The following DPP6 variants were observed in gnomAD, a reference collection of about 807,000 sequenced individuals.
DPP6 encodes dipeptidyl peptidase like 6.
A neutral mutation model predicts 122.6 loss-of-function variants in DPP6; 69 were observed. The observed-to-expected ratio is 0.56, with a 90% CI of 0.46 to 0.69. DPP6 has a LOEUF of 0.69. Ranked by LOEUF, DPP6 falls within the 30% of genes least tolerant of loss-of-function variation. The pLI, the probability that DPP6 is intolerant of heterozygous loss-of-function variation, is 0.00. For synonymous variants in DPP6, 418 were observed against 433.1 expected (o/e 0.97, Z 0.43); for missense variants, 928 against 1,116.9 (o/e 0.83, Z 2.41).
upstream of DPP6, among the ~76,000 whole-genome samples, chr7:154,050,793 A>ATTT (rs3980034): frequency 1.6e-5 from 2 of 124,142 alleles, no homozygotes; most frequent in African/African-American, 6.4e-5. Context: ...TGTATTTGCT[A>ATTT]TTTTTTAAAG....
chr7:154,155,789 G>C lies in DPP6; in HGVS notation c.243+102726G>C, dbSNP rs368602602. 3.9e-3 allele frequency among the ~76,000 whole-genome samples: 587 copies of C among 152,312 alleles called. 3 individuals are homozygous for C. The highest frequency in any genetic ancestry group is 0.013 in the South Asian group (65 of 4,828). On this transcript the variant is annotated intron_variant, in intron 1 of 25. Transcript: ENST00000377770. ...CTGGCCCTTGCCCCACTGTTGCTGG[G>C]TTGTGTATAATCTGTATGTCCAGTC... is the stretch of plus-strand genomic sequence containing the variant.
intron 17 of DPP6, among the ~76,000 whole-genome samples, chr7:154,866,481 G>A (rs1161504016): frequency 4.6e-5 from 7 of 152,288 alleles, no homozygotes; most frequent in African/African-American, 9.6e-5. Context: ...GGGAGAGTGC[G>A]CCACCTCTGC....
chr7:154,083,005 T>C (rs543130972), intron 1 of DPP6, among the ~76,000 whole-genome samples: 4 of 151,926 alleles, frequency 2.6e-5, no homozygotes, highest in Non-Finnish European at 4.4e-5. Flanking sequence ...CCCGCCACCA[T>C]GCCCGGCTAA....
At chr7:154,516,670 G>T (rs1826540058) in intron 3 of DPP6, among the ~76,000 whole-genome samples, 1 of 152,154 alleles carries the variant, frequency 6.6e-6, no homozygotes, top group Admixed American at 6.5e-5. Context: ...AGAAATGTAA[G>T]GTGCATGAAT....
chr7:154,219,361 C>T (rs1800175852), intron 1 of DPP6, among the ~76,000 whole-genome samples: 2 of 152,186 alleles, frequency 1.3e-5, no homozygotes, highest in Non-Finnish European at 2.9e-5. Context: ...GTCACTGTTT[C>T]TTTGCCCAAC....
intron 4 of DPP6, among the ~76,000 whole-genome samples, chr7:154,557,226 G>A (rs989977707): frequency 1.3e-5 from 2 of 152,176 alleles, no homozygotes; most frequent in Admixed American, 1.3e-4. Flanking sequence ...CCAAAATGGA[G>A]ACTGGGGTGG....
intron 10 of DPP6, among the ~76,000 whole-genome samples, chr7:154,773,156 G>A (rs1029215293): frequency 6.6e-6 from 1 of 152,166 alleles, no homozygotes; most frequent in African/African-American, 2.4e-5. Flanking sequence ...CCTTAGGTCA[G>A]ATGCAGGTTA....
In DPP6 at chr7:154,796,465, A is replaced by G. The variant is rs1489177518; in HGVS notation, c.1299+582A>G. On this transcript the variant is annotated intron_variant, in intron 12 of 25. Coordinates refer to ENST00000377770, the MANE Select transcript of DPP6 (RefSeq NM_130797.4). The stretch of plus-strand genomic sequence containing the variant: ...AAGCCCAGGTAAATCATTCTGAGAC[A>G]ATTTTTTCTAAATTAAACTTGCACA... Among the ~76,000 whole-genome samples the G allele has an allele frequency of 2.0e-5, 3 of 152,180 alleles. No individual in the cohort carries two copies. The East Asian group carries it at 5.8e-4, about 29-fold the overall frequency.
intron 1 of DPP6, among the ~76,000 whole-genome samples, chr7:153,954,296 T>C (rs1802355898): frequency 6.6e-6 from 1 of 152,260 alleles, no homozygotes; most frequent in African/African-American, 2.4e-5. Context: ...TGACCAAAGA[T>C]GTTTAGTATT....
chr7:153,999,768 G>A (rs569754975), intron 1 of DPP6, among the ~76,000 whole-genome samples: 85 of 152,280 alleles, frequency 5.6e-4, no homozygotes, highest in African/African-American at 2.0e-3. Context: ...AGACTAGCCT[G>A]GGCAACATGG....
In DPP6 at chr7:154,883,384, C is replaced by T. The variant is rs1805612240; in HGVS notation, c.2134-2249C>T. On this transcript the variant is annotated intron_variant, in intron 21 of 25. Coordinates refer to ENST00000377770, the MANE Select transcript of DPP6 (RefSeq NM_130797.4). ...TGCTCACACACACGATTACATACAC[C>T]TGCTCACACACACACACATGCTCAC... 5.6e-5 allele frequency among the ~76,000 whole-genome samples: 5 copies of T among 89,502 alleles called. No individual in the cohort carries two copies. In the South Asian group the frequency reaches 2.3e-3, roughly 40 times the overall value. 58.7% of individuals were successfully genotyped at this position (89,502 alleles called of 152,430 possible). A position where few individuals can be genotyped will look rare whatever the true frequency, so the allele number is the denominator to read the frequency against.
In DPP6 at chr7:154,794,064, G is replaced by A. The variant is rs752361712; in HGVS notation, c.1137-15G>A. On this transcript the variant is annotated splice_polypyrimidine_tract_variant and intron_variant, in intron 10 of 25. Coordinates refer to ENST00000377770, the MANE Select transcript of DPP6 (RefSeq NM_130797.4). ...GGTCCTGCCAAGCTGCTCATGCTGT[G>A]TTTGGCGTTTCCAGGGAGTACTACA... 10 of 1,612,130 alleles carry A rather than the reference G, an allele frequency of 6.2e-6. No homozygotes were observed. In the South Asian group the frequency reaches 1.1e-4, roughly 18 times the overall value.
intron 8 of DPP6, among the ~76,000 whole-genome samples, chr7:154,746,535 C>T (rs1317209640): frequency 6.6e-6 from 1 of 152,168 alleles, no homozygotes; most frequent in African/African-American, 2.4e-5. Context: ...TCTTAAGCTT[C>T]TAGAAATTTC....
chr7:154,700,270 G>A (rs1211070402), intron 7 of DPP6, among the ~76,000 whole-genome samples: 1 of 152,174 alleles, frequency 6.6e-6, no homozygotes, highest in African/African-American at 2.4e-5. Context: ...ACAAGGTTCT[G>A]GTGTAGGCAT....
At chr7:154,417,146 C>T (rs549886892) in intron 1 of DPP6, among the ~76,000 whole-genome samples, 1 of 152,324 alleles carries the variant, frequency 6.6e-6, no homozygotes, top group East Asian at 1.9e-4. Flanking sequence ...TCTGAGGTGT[C>T]TGGGCTACTT....
chr7:154,517,900 TCCA>T (rs1826655612), intron 3 of DPP6, among the ~76,000 whole-genome samples: 1 of 152,118 alleles, frequency 6.6e-6, no homozygotes, highest in African/African-American at 2.4e-5. Flanking sequence ...ACCCTACACC[TCCA>T]CCATTCGGAG....
chr7:154,235,376 C>T lies in DPP6; in HGVS notation c.243+182313C>T, dbSNP rs377292957. 4.1e-4 allele frequency among the ~76,000 whole-genome samples: 63 copies of T among 152,276 alleles called. 1 individual carries two copies. The highest frequency in any genetic ancestry group is 2.8e-4 in the Non-Finnish European group (19 of 68,034). Reference sequence around the variant, plus strand: ...TTCATGCCTTTCTATTGTCAAATAACGACACAGTGTTTTACAACCCCTTTC... The same window carrying T: ...TTCATGCCTTTCTATTGTCAAATAATGACACAGTGTTTTACAACCCCTTTC... On this transcript the variant is annotated intron_variant, in intron 1 of 25. Transcript: ENST00000377770.
chr7:153,892,860 T>A (rs1563212198), intron 1 of DPP6, among the ~76,000 whole-genome samples: 1 of 152,272 alleles, frequency 6.6e-6, no homozygotes, highest in Non-Finnish European at 1.5e-5. Flanking sequence ...GATACTTAGG[T>A]TGGTCTTTCT....
At chr7:154,245,323 TA>T (rs1287522002) in intron 1 of DPP6, among the ~76,000 whole-genome samples, 1 of 151,680 alleles carries the variant, frequency 6.6e-6, no homozygotes, top group Admixed American at 6.6e-5. Context: ...AGATAAACCA[TA>T]AAACAGTAAG....
Sources: allele counts gnomAD v4.1 joint callset (sites outside exome capture counted in the v4.1 genomes callset), GRCh38; gene constraint gnomAD v4.1.1; transcripts MANE v1.5; gene names NCBI Gene and HGNC (gene_info 2026-07-23, HGNC 2026-07-21).